Variants in NLE1 observed in about 807,000 individuals in gnomAD.
NLE1 encodes notchless homolog 1, also known as notchless protein homolog 1.
Under a neutral mutation model 62.8 loss-of-function variants are expected in NLE1, and 37 were observed. The observed-to-expected ratio is 0.59, with a 90% CI of 0.45 to 0.78. The LOEUF (loss-of-function observed/expected upper bound fraction) is 0.78. Ranked by LOEUF, NLE1 falls within the 30% of genes least tolerant of loss-of-function variation. The pLI is 0.00. For missense variants in NLE1, 555 were observed against 637.9 expected (o/e 0.87, Z 1.40); for synonymous variants, 243 against 253.0 (o/e 0.96, Z 0.37).
chr17:35,135,456 G>A lies in NLE1; in HGVS notation c.1012-5C>T. ...CAGCCTCTCTGGACCCTGGCCCTAGGGGAGGCAGAAAGCACACTGTGTTGG... is the reference window on the plus strand; with the variant it reads ...CAGCCTCTCTGGACCCTGGCCCTAGAGGAGGCAGAAAGCACACTGTGTTGG... On this transcript the variant is annotated splice_region_variant and splice_polypyrimidine_tract_variant and intron_variant, in intron 9 of 12. Transcript: ENST00000442241. The A allele has an allele frequency of 1.2e-6, 2 of 1,613,930 alleles. No homozygotes were observed. The highest frequency in any genetic ancestry group is 1.7e-6 in the Non-Finnish European group (2 of 1,179,896).
chr17:35,139,343 T>C lies in NLE1; in HGVS notation c.381-29A>G, dbSNP rs372250373. On this transcript the variant is annotated intron_variant, in intron 3 of 12. Transcript: ENST00000442241. The stretch of plus-strand genomic sequence containing the variant: ...GGGAAGAAGAGAGGATGCTTGACAC[T>C]GCACATGTGCATTTGTGCCACCTAT... 5.8e-6 allele frequency: 9 copies of C among 1,563,476 alleles called. No homozygotes were observed. In the African/African-American group the frequency reaches 6.8e-5, roughly 12 times the overall value.
rs2091909018 is a variant in NLE1, at chr17:35,136,415, C to T, written c.911G>A (p.Gly304Glu). The T allele has an allele frequency of 1.2e-6, 2 of 1,614,032 alleles. No homozygotes were observed. The highest frequency in any genetic ancestry group is 1.1e-5 in the South Asian group (1 of 91,084). ...ALSTDYALRTGAFEPAEASVN... is the reference protein window; with the variant it reads ...ALSTDYALRTEAFEPAEASVN... ...TGAGGCCTCAGCAGGTTCAAAGGCC[C>T]CAGTGCGCAGGGCATAGTCAGTGCT... Residue 304 changes from glycine (G) to glutamate (E), a missense_variant, in exon 8 of 13, where the codon GGG (glycine) becomes GAG (glutamate). Physicochemically the swap from Gly to Glu is moderately conservative, Grantham distance 98 (BLOSUM62 -2). Coordinates refer to ENST00000442241, the MANE Select transcript of NLE1 (RefSeq NM_018096.5).
chr17:35,135,987 G>A (rs1295924784), intron 9 of NLE1, among the ~76,000 whole-genome samples, 182 bp downstream of exon 9: 9 of 152,184 alleles, frequency 5.9e-5, no homozygotes, highest in East Asian at 1.9e-4. Flanking sequence ...AACAAAAAAC[G>A]AAATAAAATG....
intron 10 of NLE1, among the ~76,000 whole-genome samples, chr17:35,134,551 C>T (rs2091897512): frequency 6.6e-6 from 1 of 152,110 alleles, no homozygotes; most frequent in African/African-American, 2.4e-5. Context: ...AGGCACGTGC[C>T]ACTATGCCTG....
In NLE1 at chr17:35,129,195, T is replaced by C. The variant is rs2091861531; in HGVS notation, c.*3242A>G. Reference sequence around the variant, plus strand: ...CCCCTGGCGTATAAGAAATATGGAATGAGGGTGTACCCTAAAGTGGGTGGG... The same window carrying C: ...CCCCTGGCGTATAAGAAATATGGAACGAGGGTGTACCCTAAAGTGGGTGGG... On this transcript the variant is annotated 3_prime_UTR_variant, in exon 13 of 13. Coordinates refer to ENST00000442241, the MANE Select transcript of NLE1 (RefSeq NM_018096.5). 1.8e-6 allele frequency: 1 copy of C among 547,986 alleles called. No individual in the cohort carries two copies. The highest frequency in any genetic ancestry group is 1.9e-5 in the African/African-American group (1 of 53,556). 33.9% of individuals were successfully genotyped at this position (547,986 alleles called of 1,614,324 possible). A position where few individuals can be genotyped will look rare whatever the true frequency, so the allele number is the denominator to read the frequency against.
rs1400658206 is a variant in NLE1, at chr17:35,131,367, T to C, written c.*1070A>G. The C allele has an allele frequency of 6.6e-6, 1 of 152,272 alleles. No homozygotes were observed. The highest frequency in any genetic ancestry group is 1.5e-5 in the Non-Finnish European group (1 of 68,068). The allele number at this position is 152,272 out of a possible 1,614,324, so 9.4% of individuals were successfully genotyped here. ...CAAGATGCTAGTTCTGAGCAGTTTA[T>C]ACAAGGATGGTTTGGAAATCCAATC... On this transcript the variant is annotated 3_prime_UTR_variant, in exon 13 of 13. Transcript: ENST00000442241.
chr17:35,140,692 G>C (rs2091938125), intron 2 of NLE1, among the ~76,000 whole-genome samples: 1 of 152,020 alleles, frequency 6.6e-6, no homozygotes, highest in Admixed American at 6.6e-5. Context: ...CTGGGTTCAA[G>C]CAATTCTCCT....
rs1487126009 is a variant in NLE1 at position 35,133,238 on chromosome 17, A to G, written c.1378T>C (p.Tyr460His). Reference sequence around the variant, plus strand: ...CCATCTGGACTCCAGTCAACAGCATATACCTAAAGGGAGGCAGAGGAAGGC... The same window carrying G: ...CCATCTGGACTCCAGTCAACAGCATGTACCTAAAGGGAGGCAGAGGAAGGC... ...MDLPGHADEV[Y>H]AVDWSPDGQR... The change falls in exon 12 of 13, where the codon TAT (tyrosine) becomes CAT (histidine). Residue 460 changes from tyrosine to histidine, a missense_variant. Transcript: ENST00000442241. 1 of 1,614,160 alleles carries G rather than the reference A, an allele frequency of 6.2e-7. No homozygotes were observed. The highest frequency in any genetic ancestry group is 8.5e-7 in the Non-Finnish European group (1 of 1,180,032).
At position 35,137,823 on chromosome 17, in the gene NLE1, CT is replaced by C; in HGVS notation, c.527del (p.Lys176ArgfsTer30). On this transcript the variant is annotated frameshift_variant, in exon 5 of 13. Coordinates refer to ENST00000442241, the MANE Select transcript of NLE1 (RefSeq NM_018096.5). LOFTEE classifies it high-confidence loss of function. The part of the protein sequence containing the change: ...PDGRKLASGC[K>X]NGQILLWDPS... ...CCTGAGAACTACCTACCTGGCCATT[CT>C]TGCAGCCTGAGGCCAGCTTCCTGCC... 1 of 1,610,694 alleles carries C rather than the reference CT, an allele frequency of 6.2e-7. No individual in the cohort carries two copies.
In NLE1 at chr17:35,130,737, A is replaced by C. The variant is rs536353260; in HGVS notation, c.*1700T>G. ...AGAACTGCAGGTCATCCAGCACCCTAAAGTCTGCTTTATGCTGCAGACAGC... is the reference window on the plus strand; with the variant it reads ...AGAACTGCAGGTCATCCAGCACCCTCAAGTCTGCTTTATGCTGCAGACAGC... On this transcript the variant is annotated 3_prime_UTR_variant, in exon 13 of 13. Coordinates refer to ENST00000442241, the MANE Select transcript of NLE1 (RefSeq NM_018096.5). 1 of 332,794 alleles carries C rather than the reference A, an allele frequency of 3.0e-6. No individual in the cohort carries two copies. Among genetic ancestry groups the C allele is most frequent in the Admixed American group, 4.5e-5 (1 of 22,222 alleles). 20.6% of individuals were successfully genotyped at this position (332,794 alleles called of 1,614,324 possible). A position where few individuals can be genotyped will look rare whatever the true frequency, so the allele number is the denominator to read the frequency against.
Position 35,135,986 on chromosome 17 carries a change from C to T in NLE1, c.1011+183G>A, listed in dbSNP as rs573623447. Among the ~76,000 whole-genome samples the T allele has an allele frequency of 5.3e-5, 8 of 152,202 alleles. No homozygotes were observed. In the South Asian group the frequency reaches 6.2e-4, roughly 12 times the overall value. On this transcript the variant is annotated intron_variant, in intron 9 of 12. Transcript: ENST00000442241. ...ACAAGCAAATAAACTAAACAAAAAA[C>T]GAAATAAAATGATCTCTAGCACATT...
At position 35,133,515 on chromosome 17, in the gene NLE1, C is replaced by A; in HGVS notation, c.1215-17G>T. On this transcript the variant is annotated splice_polypyrimidine_tract_variant and intron_variant, in intron 10 of 12. Transcript: ENST00000442241. ...GCCAGGTACCTGGTCCAGGAGAAGA[C>A]GATGATGGATTTTAGTCTGAGTTAC... 6.3e-7 allele frequency: 1 copy of A among 1,599,602 alleles called. No individual in the cohort carries two copies. Among genetic ancestry groups the A allele is most frequent in the Non-Finnish European group, 8.5e-7 (1 of 1,174,306 alleles).
intron 10 of NLE1, 133 bp downstream of exon 10, chr17:35,135,116 G>T: frequency 1.2e-6 from 1 of 801,862 alleles, no homozygotes; most frequent in Non-Finnish European, 2.1e-6. Flanking sequence ...TAGGGGGTCT[G>T]CATATTACCA....
intron 1 of NLE1, 36 bp downstream of exon 1, chr17:35,142,222 C>T (rs1181392126): frequency 4.5e-6 from 7 of 1,560,748 alleles, no homozygotes; most frequent in Middle Eastern, 1.7e-4. Context: ...TAGCGCCCCG[C>T]GGCGACGCCC....
At chr17:35,135,571 G>A (rs984881059) in intron 9 of NLE1, 120 bp from the exon 10 acceptor site, 35 of 852,478 alleles carry the variant, frequency 4.1e-5, no homozygotes, top group South Asian at 2.1e-4. Flanking sequence ...AGAGGCCAGC[G>A]CTAGGAGCAA....
intron 1 of NLE1, 45 bp from the exon 2 acceptor site, chr17:35,142,167 G>A (rs2091948481): frequency 3.1e-6 from 5 of 1,604,976 alleles, no homozygotes; most frequent in African/African-American, 2.7e-5. Flanking sequence ...CGCCCGCCCA[G>A]AAGGGCCCCA....
chr17:35,140,096 C>A, intron 2 of NLE1, 30 bp from the exon 3 acceptor site: 1 of 1,605,562 alleles, frequency 6.2e-7, no homozygotes, highest in African/African-American at 1.3e-5. Context: ...GACAAACCCG[C>A]AACAATGGAT....
chr17:35,141,653 T>C (rs529944422), intron 2 of NLE1, among the ~76,000 whole-genome samples: 2 of 151,956 alleles, frequency 1.3e-5, no homozygotes, highest in Admixed American at 6.5e-5. Context: ...CTACATAGCA[T>C]CGTGCAAAAT....
chr17:35,136,467 C>A lies in NLE1; in HGVS notation c.859G>T (p.Gly287Cys), dbSNP rs764633856. The change falls in exon 8 of 13, where the codon GGC (glycine) becomes TGC (cysteine). Residue 287 changes from glycine to cysteine, a missense_variant. Physicochemically the swap from Gly to Cys is radical, Grantham distance 159 (BLOSUM62 -3). Transcript: ENST00000442241. Reference protein sequence around the residue: ...GVLCRTLQGHGHWVNTMALST... With the variant: ...GVLCRTLQGHCHWVNTMALST... The stretch of plus-strand genomic sequence containing the variant: ...AGGGCCATGGTGTTCACCCAGTGGC[C>A]GTGGCCTTGCAGAGTCCGGCACAGC... The A allele has an allele frequency of 6.2e-7, 1 of 1,614,012 alleles. No homozygotes were observed. Among genetic ancestry groups the A allele is most frequent in the Non-Finnish European group, 8.5e-7 (1 of 1,179,928 alleles).
Sources: allele counts gnomAD v4.1 joint callset (sites outside exome capture counted in the v4.1 genomes callset), GRCh38; gene constraint gnomAD v4.1.1; transcripts MANE v1.5; gene names NCBI Gene and HGNC (gene_info 2026-07-23, HGNC 2026-07-21).